The following ST3GAL6 variants were observed in gnomAD, a reference collection of about 807,000 sequenced individuals.
ST3GAL6 encodes the protein type 2 lactosamine alpha-2,3-sialyltransferase.
A neutral mutation model predicts 40.5 loss-of-function variants in ST3GAL6; 31 were observed. The ratio of observed to expected loss-of-function variants is 0.77; its 90% CI spans 0.58 to 1.03. The LOEUF is 1.03. Ranked by LOEUF, ST3GAL6 falls within the 50% of genes least tolerant of loss-of-function variation. The pLI is 0.00. For missense variants in ST3GAL6, 357 were observed against 393.2 expected, an observed-to-expected ratio of 0.91 and a Z score of 0.78; for synonymous variants, 129 against 136.9, an observed-to-expected ratio of 0.94 and a Z score of 0.40.
chr3:98,791,026 T>A (rs1311825702), intron 8 of ST3GAL6, among the ~76,000 whole-genome samples: 1 of 152,202 alleles, frequency 6.6e-6, no homozygotes. Flanking sequence ...GTAAGTCATA[T>A]GTAATTTCAA....
chr3:98,752,724 G>A lies in ST3GAL6; in HGVS notation c.-11-15706G>A, dbSNP rs1335273740. On this transcript the variant is annotated intron_variant, in intron 1 of 9. Transcript: ENST00000265261. ...CTGACCTCGTGATCTGCCCGCCTCG[G>A]CCTCCCAAAGTGCTGGGATTACAGG... 7.2e-5 allele frequency among the ~76,000 whole-genome samples: 11 copies of A among 152,282 alleles called. No homozygotes were observed. The East Asian group carries it at 2.1e-3, about 29-fold the overall frequency.
intron 9 of ST3GAL6, among the ~76,000 whole-genome samples, 196 bp from the exon 10 acceptor site, chr3:98,793,479 C>G (rs1379335870): frequency 6.6e-6 from 1 of 151,994 alleles, no homozygotes; most frequent in Non-Finnish European, 1.5e-5. Flanking sequence ...AAAGAGTGGG[C>G]TGTAGGGAAA....
At chr3:98,784,002 C>G (rs922880931) in intron 5 of ST3GAL6, among the ~76,000 whole-genome samples, 1 of 152,172 alleles carries the variant, frequency 6.6e-6, no homozygotes, top group Non-Finnish European at 1.5e-5. Context: ...TTTCTGGGTT[C>G]TACAGTGTTT....
At chr3:98,755,986 ATACT>A (rs1392274533) in intron 1 of ST3GAL6, among the ~76,000 whole-genome samples, 1 of 152,044 alleles carries the variant, frequency 6.6e-6, no homozygotes, top group Non-Finnish European at 1.5e-5. Flanking sequence ...AGAGAAATAG[ATACT>A]TCTCTCACCT....
Position 98,795,839 on chromosome 3 carries a change from T to C in ST3GAL6, c.*2078T>C, listed in dbSNP as rs1304708043. On this transcript the variant is annotated 3_prime_UTR_variant, in exon 10 of 10. Coordinates refer to ENST00000483910, the MANE Select transcript of ST3GAL6 (RefSeq NM_001323368.2). ...GAATCTAAAATAAAAGTTGAAATTA[T>C]TTTTTTAAAAAAAGGATGGCGCTGG... 1 of 152,286 alleles carries C rather than the reference T, an allele frequency of 6.6e-6. No homozygotes were observed. Among genetic ancestry groups the C allele is most frequent in the East Asian group, 1.9e-4 (1 of 5,188 alleles). 9.4% of individuals were successfully genotyped at this position (152,286 alleles called of 1,614,324 possible).
intron 1 of ST3GAL6, among the ~76,000 whole-genome samples, chr3:98,757,568 G>C (rs1441647474): frequency 1.3e-5 from 2 of 152,234 alleles, no homozygotes; most frequent in South Asian, 2.1e-4. Context: ...ACCATTTCTG[G>C]CATCAAAAAG....
At position 98,736,465 on chromosome 3, in the gene ST3GAL6, A is replaced by AT. The variant is rs1935554641; in HGVS notation, c.-12+3935dup. On this transcript the variant is annotated intron_variant, in intron 1 of 9. Transcript: ENST00000265261. ...AGAGGAGACGGCAAGGAAGCTGGAGATTCCTCCAGAGGTGGGAGGGTTATT... is the reference window on the plus strand; with the variant it reads ...AGAGGAGACGGCAAGGAAGCTGGAGATTTCCTCCAGAGGTGGGAGGGTTATT... 2.0e-5 allele frequency among the ~76,000 whole-genome samples: 3 copies of AT among 152,204 alleles called. 1 individual carries two copies. The East Asian group carries it at 5.8e-4, about 29-fold the overall frequency.
chr3:98,732,687 C>G, intron 1 of ST3GAL6: 1 of 605,660 alleles, frequency 1.7e-6, no homozygotes, highest in Non-Finnish European at 2.6e-6. Context: ...CCCGCGACTC[C>G]GGAGGCGCTC....
intron 1 of ST3GAL6, among the ~76,000 whole-genome samples, chr3:98,734,529 G>A (rs1455636444): frequency 6.6e-6 from 1 of 152,064 alleles, no homozygotes; most frequent in East Asian, 1.9e-4. Flanking sequence ...TTGTGATGTC[G>A]CTTTCCTTGA....
intron 1 of ST3GAL6, among the ~76,000 whole-genome samples, chr3:98,748,195 T>A (rs1019070195): frequency 6.6e-6 from 1 of 152,190 alleles, no homozygotes; most frequent in Admixed American, 6.5e-5. Context: ...AAGCTTCAAG[T>A]TGATCTCACT....
chr3:98,763,250 T>A (rs1937975650), upstream of ST3GAL6: 2 of 1,241,946 alleles, frequency 1.6e-6, no homozygotes, highest in African/African-American at 1.5e-5. Flanking sequence ...CTGCAGATTA[T>A]AATCACAAAT....
Position 98,795,499 on chromosome 3 carries a change from T to C in ST3GAL6, c.*1738T>C, listed in dbSNP as rs1334294903. 2.0e-5 allele frequency: 3 copies of C among 152,206 alleles called. No individual in the cohort carries two copies. Among genetic ancestry groups the C allele is most frequent in the African/African-American group, 7.2e-5 (3 of 41,444 alleles). The allele number at this position is 152,206 out of a possible 1,614,324, so 9.4% of individuals were successfully genotyped here. A position where few individuals can be genotyped will look rare whatever the true frequency, so the allele number is the denominator to read the frequency against. On this transcript the variant is annotated 3_prime_UTR_variant, in exon 10 of 10. Transcript: ENST00000483910. ...GGAAGGTACCAGAACTGGAATCACA[T>C]GTAATCAATCAGTGTGATTTTCCCC...
chr3:98,738,126 T>C lies in ST3GAL6; in HGVS notation c.-12+5594T>C, dbSNP rs867231619. On this transcript the variant is annotated intron_variant, in intron 1 of 9. Coordinates refer to the ST3GAL6 transcript ENST00000265261. ...CCCGCCTTTCCTCCTACTCCAATTA[T>C]GTAAGATGTGCCTGCTTCCCCTTCA... is the stretch of plus-strand genomic sequence containing the variant. Among the ~76,000 whole-genome samples the C allele has an allele frequency of 4.8e-5, 6 of 125,136 alleles. No homozygotes were observed. The South Asian group carries it at 1.7e-3, about 35-fold the overall frequency. 82.1% of individuals were successfully genotyped at this position (125,136 alleles called of 152,430 possible). A position where few individuals can be genotyped will look rare whatever the true frequency, so the allele number is the denominator to read the frequency against.
intron 1 of ST3GAL6, among the ~76,000 whole-genome samples, chr3:98,751,901 AT>A (rs1937033988): frequency 6.6e-6 from 1 of 152,234 alleles, no homozygotes; most frequent in African/African-American, 2.4e-5. Flanking sequence ...ATGTTACTAT[AT>A]GATTTTCATA....
chr3:98,746,687 A>G (rs1307425666), intron 1 of ST3GAL6, among the ~76,000 whole-genome samples: 1 of 151,980 alleles, frequency 6.6e-6, no homozygotes, highest in Non-Finnish European at 1.5e-5. Flanking sequence ...AAACAAAATT[A>G]TTTTTTTAAT....
intron 5 of ST3GAL6, 61 bp from the exon 6 acceptor site, chr3:98,784,884 A>G: frequency 7.2e-7 from 1 of 1,393,046 alleles, no homozygotes; most frequent in Non-Finnish European, 1.0e-6. Context: ...GTATGCATGG[A>G]TTCTTGGAAT....
intron 5 of ST3GAL6, chr3:98,782,488 A>T: frequency 3.3e-6 from 2 of 611,046 alleles, no homozygotes; most frequent in Non-Finnish European, 5.8e-6. Flanking sequence ...TGTCATCCAT[A>T]CAAGATGAAT....
At chr3:98,780,349 G>C (rs1250247207) in intron 5 of ST3GAL6, among the ~76,000 whole-genome samples, 1 of 152,158 alleles carries the variant, frequency 6.6e-6, no homozygotes, top group African/African-American at 2.4e-5. Context: ...GTAAATCTTT[G>C]CAATATCCTT....
At chr3:98,770,754 G>A in intron 2 of ST3GAL6, 125 bp from the exon 3 acceptor site, 2 of 741,842 alleles carry the variant, frequency 2.7e-6, no homozygotes, top group Non-Finnish European at 2.4e-6. Flanking sequence ...GAGGTGCAGG[G>A]AGTATTTTTG....
Sources: gnomAD v4.1 joint callset for allele counts (sites outside exome capture counted in the v4.1 genomes callset) on GRCh38, gnomAD v4.1.1 for gene constraint, MANE v1.5 for transcripts, NCBI Gene and HGNC (gene_info 2026-07-23, HGNC 2026-07-21) for gene names.